The following PHLDB2 variants were observed in gnomAD, a reference collection of about 807,000 sequenced individuals.
The protein encoded by PHLDB2 is pleckstrin homology-like domain family B member 2.
PHLDB2 carries 71 observed loss-of-function variants against 123.6 expected under a neutral mutation model. The observed-to-expected ratio is 0.57, with a 90% CI of 0.47 to 0.70. The LOEUF (loss-of-function observed/expected upper bound fraction) is 0.70. PHLDB2 is among the 30% of genes least tolerant of loss of function. The probability of loss-of-function intolerance (pLI) is 0.00; values close to 1 mark genes in which losing one functional copy is unlikely to be tolerated. For synonymous variants in PHLDB2, 547 were observed against 541.6 expected, an observed-to-expected ratio of 1.01 and a Z score of -0.14; for missense variants, 1,446 against 1,519.5, an observed-to-expected ratio of 0.95 and a Z score of 0.80.
At chr3:111,948,899 CTT>C (rs757037269) in intron 9 of PHLDB2, 31 bp from the exon 10 acceptor site, 1 of 1,609,960 alleles carries the variant, frequency 6.2e-7, no homozygotes. Context: ...CTTTTGCTTT[CTT>C]TGTGTTTAAC....
At chr3:111,812,178 T>G (rs1559844395) in intron 1 of PHLDB2, among the ~76,000 whole-genome samples, 1 of 152,218 alleles carries the variant, frequency 6.6e-6, no homozygotes, top group Non-Finnish European at 1.5e-5. Flanking sequence ...ACAGACTATT[T>G]CTTTTTCTAG....
At chr3:111,862,389 C>G (rs1327713305) in intron 1 of PHLDB2, among the ~76,000 whole-genome samples, 1 of 152,100 alleles carries the variant, frequency 6.6e-6, no homozygotes, top group Non-Finnish European at 1.5e-5. Flanking sequence ...ATCTTAAAGT[C>G]CTGACATACA....
rs1210908563 is a variant in PHLDB2 at position 111,976,247 on chromosome 3, G to A, written c.*1684G>A. 1 of 152,162 alleles carries A rather than the reference G, an allele frequency of 6.6e-6. No individual in the cohort carries two copies. Among genetic ancestry groups the A allele is most frequent in the Non-Finnish European group, 1.5e-5 (1 of 68,030 alleles). 9.4% of individuals were successfully genotyped at this position (152,162 alleles called of 1,614,324 possible). ...TGAGTTTGGATTAAAATGTTGACAT[G>A]ATTTCACATTTGAAAATAAACTCAT... is the stretch of plus-strand genomic sequence containing the variant. On this transcript the variant is annotated 3_prime_UTR_variant, in exon 18 of 18. Transcript: ENST00000431670.
chr3:111,806,876 C>A (rs913510267), intron 1 of PHLDB2, among the ~76,000 whole-genome samples: 1 of 151,592 alleles, frequency 6.6e-6, no homozygotes, highest in Non-Finnish European at 1.5e-5. Context: ...GCTCAAGCAC[C>A]CTTCCTGCCT....
intron 2 of PHLDB2, among the ~76,000 whole-genome samples, chr3:111,853,723 A>G (rs1022688222): frequency 2.1e-4 from 32 of 152,238 alleles, no homozygotes; most frequent in African/African-American, 7.7e-4. Context: ...TAAAAATACA[A>G]AATTAGCTAG....
At chr3:111,824,010 A>T (rs74332451) in intron 1 of PHLDB2, among the ~76,000 whole-genome samples, 1 of 152,316 alleles carries the variant, frequency 6.6e-6, no homozygotes, top group Non-Finnish European at 1.5e-5. Context: ...GTGAGCAAGA[A>T]GTTCTGACAC....
At chr3:111,961,048 C>T (rs757639254) in intron 12 of PHLDB2, among the ~76,000 whole-genome samples, 15 of 152,138 alleles carry the variant, frequency 9.9e-5, no homozygotes, top group Non-Finnish European at 8.8e-5. Flanking sequence ...GAAAAGACCT[C>T]TTGGCCGGGC....
intron 1 of PHLDB2, among the ~76,000 whole-genome samples, chr3:111,825,679 C>T (rs1369467630): frequency 2.0e-5 from 3 of 152,228 alleles, no homozygotes; most frequent in African/African-American, 7.2e-5. Context: ...AACTCCTGGA[C>T]TCAAGTGATC....
intron 2 of PHLDB2, among the ~76,000 whole-genome samples, chr3:111,890,294 T>G (rs1252690077): frequency 1.3e-5 from 2 of 152,172 alleles, no homozygotes; most frequent in African/African-American, 4.8e-5. Context: ...TAAGACAGAC[T>G]CAGTAAAACA....
chr3:111,889,012 A>G (rs2066329849), intron 2 of PHLDB2, among the ~76,000 whole-genome samples: 1 of 152,258 alleles, frequency 6.6e-6, no homozygotes, highest in African/African-American at 2.4e-5. Context: ...AAGCTAACAC[A>G]TCACAGAACA....
At chr3:111,817,794 C>G (rs918239717) in intron 1 of PHLDB2, among the ~76,000 whole-genome samples, 1 of 152,066 alleles carries the variant, frequency 6.6e-6, no homozygotes, top group Non-Finnish European at 1.5e-5. Flanking sequence ...CACAGTTTAG[C>G]TGACTGAGTT....
chr3:111,839,940 C>CGTTT (rs2063600835), intron 1 of PHLDB2, among the ~76,000 whole-genome samples: 1 of 64,946 alleles, frequency 1.5e-5, no homozygotes, highest in African/African-American at 6.6e-5. Flanking sequence ...CCCACCCCCG[C>CGTTT]TTTTTTTTTT....
intron 1 of PHLDB2, among the ~76,000 whole-genome samples, chr3:111,790,996 A>G (rs966111238): frequency 6.6e-6 from 1 of 152,102 alleles, no homozygotes; most frequent in African/African-American, 2.4e-5. Flanking sequence ...TACACTGTGA[A>G]CCTTTTCCAT....
chr3:111,835,308 T>A (rs1056180078), intron 1 of PHLDB2, among the ~76,000 whole-genome samples: 1 of 152,224 alleles, frequency 6.6e-6, no homozygotes, highest in African/African-American at 2.4e-5. Context: ...TACTTAACTA[T>A]CAAGCCATAT....
intron 1 of PHLDB2, among the ~76,000 whole-genome samples, chr3:111,878,810 CAT>C (rs1461542051): frequency 1.6e-4 from 24 of 152,266 alleles, no homozygotes; most frequent in African/African-American, 4.8e-4. Flanking sequence ...TTGAGACAAT[CAT>C]GTGGTTTTTA....
At chr3:111,960,225 A>G (rs9816238) in intron 12 of PHLDB2, 401,994 of 681,340 alleles carry the variant, frequency 0.59, 118,173 homozygotes, top group African/African-American at 0.66. Flanking sequence ...TTAAAAAAAG[A>G]CGCAGCTTCA....
chr3:111,881,413 C>T (rs2065919103), intron 1 of PHLDB2, among the ~76,000 whole-genome samples: 1 of 152,058 alleles, frequency 6.6e-6, no homozygotes, highest in South Asian at 2.1e-4. Context: ...ACTTAAGAAC[C>T]ATGAGATATA....
intron 1 of PHLDB2, among the ~76,000 whole-genome samples, chr3:111,827,795 A>G (rs2062740358): frequency 6.6e-6 from 1 of 151,936 alleles, no homozygotes; most frequent in Non-Finnish European, 1.5e-5. Flanking sequence ...ACTGCATTAT[A>G]AATATGCTAC....
intron 1 of PHLDB2, among the ~76,000 whole-genome samples, chr3:111,864,155 G>A (rs941776018): frequency 3.3e-5 from 5 of 152,160 alleles, no homozygotes; most frequent in Non-Finnish European, 7.4e-5. Flanking sequence ...TGACTCAAGA[G>A]TGATAGCCCT....
Sources: allele counts gnomAD v4.1 joint callset (sites outside exome capture counted in the v4.1 genomes callset), GRCh38; gene constraint gnomAD v4.1.1; transcripts MANE v1.5; gene names NCBI Gene and HGNC (gene_info 2026-07-23, HGNC 2026-07-21).